DACH1: variants seen among roughly 807,000 people sequenced by gnomAD.
DACH1 encodes the protein dachshund homolog 1.
Under a neutral mutation model 54.2 loss-of-function variants are expected in DACH1, and 12 were observed. The observed-to-expected ratio is 0.22, with a 90% CI of 0.14 to 0.36. The LOEUF (loss-of-function observed/expected upper bound fraction) is 0.36. Among genes scored for constraint, DACH1 ranks in the 10% least tolerant of loss-of-function variants. The pLI is 1.00. For missense variants in DACH1, 805 were observed against 929.8 expected, an observed-to-expected ratio of 0.87 and a Z score of 1.75; for synonymous variants, 386 against 366.2, an observed-to-expected ratio of 1.05 and a Z score of -0.62.
At chr13:71,817,064 A>G (rs1030508851) in intron 1 of DACH1, among the ~76,000 whole-genome samples, 1 of 152,172 alleles carries the variant, frequency 6.6e-6, no homozygotes, top group Non-Finnish European at 1.5e-5. Context: ...TTTAGAATAA[A>G]AGTTTTTTAA....
intron 1 of DACH1, among the ~76,000 whole-genome samples, chr13:71,700,648 C>A (rs1594112399): frequency 1.4e-5 from 2 of 147,244 alleles, no homozygotes. Flanking sequence ...AACATAGTTA[C>A]ATTTAAGGAC....
intron 1 of DACH1, among the ~76,000 whole-genome samples, chr13:71,694,850 A>G (rs1388910059): frequency 2.0e-5 from 3 of 152,240 alleles, no homozygotes; most frequent in Admixed American, 2.0e-4. Flanking sequence ...TAGAAATTAC[A>G]TAATGTATGA....
At chr13:71,522,040 C>T (rs1881637068) in intron 6 of DACH1, among the ~76,000 whole-genome samples, 1 of 152,080 alleles carries the variant, frequency 6.6e-6, no homozygotes, top group Non-Finnish European at 1.5e-5. Flanking sequence ...GTATAACAAC[C>T]AAATCCAAAT....
At chr13:71,454,790 C>G (rs1309374452) in intron 10 of DACH1, among the ~76,000 whole-genome samples, 1 of 152,134 alleles carries the variant, frequency 6.6e-6, no homozygotes, top group African/African-American at 2.4e-5. Context: ...CTGGGGTACC[C>G]AAAGCAGAAG....
chr13:71,669,073 T>C (rs923535834), intron 2 of DACH1, among the ~76,000 whole-genome samples: 1 of 152,208 alleles, frequency 6.6e-6, no homozygotes, highest in Non-Finnish European at 1.5e-5. Flanking sequence ...AAGCAAATTA[T>C]CTGTTTTAAA....
At chr13:71,518,225 T>C (rs1192025446) in intron 6 of DACH1, among the ~76,000 whole-genome samples, 1 of 151,822 alleles carries the variant, frequency 6.6e-6, no homozygotes, top group African/African-American at 2.4e-5. Flanking sequence ...TTTAATCTAT[T>C]AGGACTGATA....
chr13:71,664,542 G>A (rs1361792231), intron 2 of DACH1, among the ~76,000 whole-genome samples: 1 of 151,886 alleles, frequency 6.6e-6, no homozygotes, highest in Non-Finnish European at 1.5e-5. Flanking sequence ...AGGGGGGAAT[G>A]ATACTAATGA....
chr13:71,607,785 G>A (rs1441077948), intron 3 of DACH1, among the ~76,000 whole-genome samples: 1 of 152,020 alleles, frequency 6.6e-6, no homozygotes, highest in Admixed American at 6.6e-5. Context: ...TGTTTAAAAC[G>A]TGATAAATTG....
At chr13:71,653,678 T>C (rs1339565655) in intron 2 of DACH1, among the ~76,000 whole-genome samples, 1 of 152,218 alleles carries the variant, frequency 6.6e-6, no homozygotes, top group Non-Finnish European at 1.5e-5. Flanking sequence ...TCCCTTTATA[T>C]ATAAACTTGG....
At chr13:71,460,557 T>A (rs2138138251) in intron 10 of DACH1, among the ~76,000 whole-genome samples, 1 of 152,106 alleles carries the variant, frequency 6.6e-6, no homozygotes, top group East Asian at 1.9e-4. Flanking sequence ...CCTGTGCCCT[T>A]GATTTGGGCT....
chr13:71,654,603 G>A (rs1338465509), intron 2 of DACH1, among the ~76,000 whole-genome samples: 1 of 151,876 alleles, frequency 6.6e-6, no homozygotes, highest in South Asian at 2.1e-4. Context: ...CTATAAGTGG[G>A]CCTCAATAAA....
rs534577923 is a variant in DACH1 at position 71,599,330 on chromosome 13, A to C, written c.1127-26318T>G. Among the ~76,000 whole-genome samples, 627 of 152,300 alleles carry C rather than the reference A, an allele frequency of 4.1e-3. 4 individuals carry two copies. Among genetic ancestry groups the C allele is most frequent in the Non-Finnish European group, 7.0e-3 (476 of 67,998 alleles). On this transcript the variant is annotated intron_variant, in intron 3 of 10. Coordinates refer to ENST00000613252, the MANE Select transcript of DACH1 (RefSeq NM_080759.6). ...TGAATTAGGAGTAAAATTTCATTAA[A>C]TGTAATGTAATTCAGGTATTAAAGA...
At chr13:71,552,921 C>T (rs751185588) in intron 6 of DACH1, among the ~76,000 whole-genome samples, 2 of 138,758 alleles carry the variant, frequency 1.4e-5, no homozygotes, top group Admixed American at 7.4e-5. Context: ...TAGCTCACGC[C>T]CTGTAATCTC....
At chr13:71,471,174 G>T (rs188372782) in intron 10 of DACH1, among the ~76,000 whole-genome samples, 1 of 151,380 alleles carries the variant, frequency 6.6e-6, no homozygotes, top group Non-Finnish European at 1.5e-5. Context: ...GGAAAGAGTC[G>T]TGACTGGGCA....
At chr13:71,799,413 C>T (rs1170635769) in intron 1 of DACH1, among the ~76,000 whole-genome samples, 1 of 152,006 alleles carries the variant, frequency 6.6e-6, no homozygotes, top group Non-Finnish European at 1.5e-5. Flanking sequence ...TTCTATTATG[C>T]TATTCTCTTT....
intron 6 of DACH1, among the ~76,000 whole-genome samples, chr13:71,504,988 C>T (rs761150653): frequency 2.6e-5 from 4 of 152,102 alleles, no homozygotes; most frequent in African/African-American, 7.2e-5. Flanking sequence ...TTAATCTCTT[C>T]GACTATTTGT....
At chr13:71,714,587 A>G (rs1859952908) in intron 1 of DACH1, among the ~76,000 whole-genome samples, 1 of 152,082 alleles carries the variant, frequency 6.6e-6, no homozygotes, top group Non-Finnish European at 1.5e-5. Context: ...AGGACGAAAC[A>G]AAAAATAAAA....
intron 6 of DACH1, among the ~76,000 whole-genome samples, chr13:71,497,729 T>G (rs1879554438): frequency 7.4e-6 from 1 of 135,828 alleles, no homozygotes; most frequent in Admixed American, 8.3e-5. Context: ...ATCAGTTTCC[T>G]TATATGGACT....
intron 1 of DACH1, among the ~76,000 whole-genome samples, chr13:71,703,147 T>C (rs942829636): frequency 2.6e-5 from 4 of 152,216 alleles, no homozygotes; most frequent in Non-Finnish European, 5.9e-5. Context: ...ATTTAATAAA[T>C]TCATGTTGAC....
Sources: gnomAD v4.1 joint callset for allele counts (sites outside exome capture counted in the v4.1 genomes callset) on GRCh38, gnomAD v4.1.1 for gene constraint, MANE v1.5 for transcripts, NCBI Gene and HGNC (gene_info 2026-07-23, HGNC 2026-07-21) for gene names.